MMP26: variants seen among roughly 807,000 people sequenced by gnomAD.
MMP26 encodes the protein matrix metalloproteinase-26.
In MMP26, 33 loss-of-function variants were observed where a neutral mutation model predicts 31.0. The observed-to-expected ratio is 1.06, with a 90% CI of 0.81 to 1.42. The LOEUF is 1.42. Among genes scored for constraint, MMP26 ranks in the 40% most tolerant of loss-of-function variants. The pLI is 0.00. For synonymous variants in MMP26, 122 were observed against 114.9 expected (o/e 1.06, Z -0.40); for missense variants, 347 against 316.1 (o/e 1.10, Z -0.74).
chr11:4,842,120 T>G (rs909127113), intron 2 of MMP26, among the ~76,000 whole-genome samples: 5 of 152,056 alleles, frequency 3.3e-5, no homozygotes, highest in African/African-American at 1.2e-4. Context: ...AAATAAAAAA[T>G]AATAGCTACA....
chr11:4,988,350 C>T (rs1846937730), intron 3 of MMP26, 40 bp downstream of exon 3: 3 of 1,491,380 alleles, frequency 2.0e-6, no homozygotes, highest in Non-Finnish European at 2.8e-6. Flanking sequence ...ACATGGTGAC[C>T]ATTGTGGGCT....
chr11:4,968,890 T>C (rs1203834300), intron 2 of MMP26, among the ~76,000 whole-genome samples: 9 of 152,056 alleles, frequency 5.9e-5, no homozygotes, highest in Admixed American at 5.9e-4. Context: ...CCAGTCATAC[T>C]TTAGAATGAA....
At chr11:4,723,989 C>T (rs1848059951) in intron 1 of MMP26, 1 of 723,906 alleles carries the variant, frequency 1.4e-6, no homozygotes, top group East Asian at 2.4e-5. Context: ...GTGGTGATGC[C>T]TCCCATGCCG....
chr11:4,766,265 G>C (rs1210076593), intron 1 of MMP26, among the ~76,000 whole-genome samples: 2 of 152,230 alleles, frequency 1.3e-5, no homozygotes, highest in Non-Finnish European at 1.5e-5. Flanking sequence ...GAGAACAAGA[G>C]ATGGAGAGAG....
At chr11:4,892,253 ACTCT>A (rs765792587) in intron 2 of MMP26, among the ~76,000 whole-genome samples, 4 of 151,928 alleles carry the variant, frequency 2.6e-5, no homozygotes, top group Non-Finnish European at 5.9e-5. Flanking sequence ...GATATCAGCC[ACTCT>A]CTCTCCCCTA....
At chr11:4,785,114 G>A (rs76440360) in intron 2 of MMP26, among the ~76,000 whole-genome samples, 4,214 of 152,194 alleles carry the variant, frequency 0.028, 217 homozygotes, top group African/African-American at 0.097. Flanking sequence ...GCAAAATACA[G>A]TCTGCTACCC....
In MMP26 at chr11:4,988,253, G is replaced by A; in HGVS notation, c.42G>A (p.Trp14Ter). The change falls in exon 3 of 8, where the codon TGG (tryptophan) becomes TGA (stop). Residue 14 changes from tryptophan to a stop codon, truncating the protein, a stop_gained. Coordinates refer to ENST00000380390, the MANE Select transcript of MMP26 (RefSeq NM_021801.5). LOFTEE classifies it high-confidence loss of function. ...TAAGAGTTACTATCTTCTTGCCCTGGTGTTTCGCCGTTCCAGTGCCCCCTG... is the reference window on the plus strand; with the variant it reads ...TAAGAGTTACTATCTTCTTGCCCTGATGTTTCGCCGTTCCAGTGCCCCCTG... ...VILRVTIFLP[W>*]CFAVPVPPAA... 6.2e-7 allele frequency: 1 copy of A among 1,614,070 alleles called. No homozygotes were observed. The highest frequency in any genetic ancestry group is 8.5e-7 in the Non-Finnish European group (1 of 1,180,012).
At chr11:4,710,068 G>A (rs775315223) in intron 1 of MMP26, 16 of 456,530 alleles carry the variant, frequency 3.5e-5, no homozygotes, top group Middle Eastern at 3.2e-4. Context: ...CTCCTTAAGC[G>A]CCTCTCCTTC....
At chr11:4,906,961 T>C (rs978388123) in intron 2 of MMP26, among the ~76,000 whole-genome samples, 2 of 151,798 alleles carry the variant, frequency 1.3e-5, no homozygotes, top group Admixed American at 6.6e-5. Flanking sequence ...ATGGTGGTGG[T>C]GGTGCACACC....
At chr11:4,756,540 G>T (rs1848506283) in intron 1 of MMP26, 1 of 151,568 alleles carries the variant, frequency 6.6e-6, no homozygotes, top group Non-Finnish European at 1.5e-5. Flanking sequence ...ATAAAGAAAT[G>T]GAAATTAAGC....
At chr11:4,752,654 A>G (rs767081140) in intron 1 of MMP26, 2 of 152,352 alleles carry the variant, frequency 1.3e-5, no homozygotes, top group Non-Finnish European at 2.9e-5. Context: ...ATTCCATGAA[A>G]GTGAAGAGGT....
At chr11:4,744,576 T>A (rs1017082385) in intron 1 of MMP26, among the ~76,000 whole-genome samples, 2 of 152,176 alleles carry the variant, frequency 1.3e-5, no homozygotes, top group Non-Finnish European at 2.9e-5. Flanking sequence ...ATAGAGGATA[T>A]TTATGAGGAA....
rs1846885174 is a variant in MMP26, at chr11:4,986,260, C to T, written c.-144-1808C>T. ...TTTAATCTATACCAAAGGTTTAAAA[C>T]ACAGAATTGCCTTATAATAAGCCCT... On this transcript the variant is annotated intron_variant, in intron 2 of 7. Coordinates refer to ENST00000380390, the MANE Select transcript of MMP26 (RefSeq NM_021801.5). 2.6e-5 allele frequency among the ~76,000 whole-genome samples: 4 copies of T among 152,078 alleles called. 1 individual carries two copies. In the South Asian group the frequency reaches 8.3e-4, roughly 31 times the overall value.
chr11:4,948,343 CATT>C (rs1246192363), intron 2 of MMP26, among the ~76,000 whole-genome samples: 1 of 124,402 alleles, frequency 8.0e-6, no homozygotes, highest in Non-Finnish European at 1.8e-5. Flanking sequence ...CAAGTTATAT[CATT>C]ATCTTCATTT....
intron 2 of MMP26, among the ~76,000 whole-genome samples, chr11:4,886,177 A>C (rs1850543414): frequency 6.6e-6 from 1 of 152,066 alleles, no homozygotes; most frequent in Non-Finnish European, 1.5e-5. Flanking sequence ...GATTACCTTT[A>C]TAGATTTCCA....
intron 2 of MMP26, among the ~76,000 whole-genome samples, chr11:4,829,573 G>A (rs1037123320): frequency 4.6e-5 from 7 of 152,148 alleles, no homozygotes; most frequent in South Asian, 2.1e-4. Flanking sequence ...GTGAGGGTCT[G>A]AGATATTAAG....
intron 3 of MMP26, among the ~76,000 whole-genome samples, 190 bp downstream of exon 3, chr11:4,988,500 A>G (rs986803917): frequency 6.6e-6 from 1 of 152,068 alleles, no homozygotes; most frequent in Admixed American, 6.5e-5. Flanking sequence ...AATTTTTTGT[A>G]GCCCCTAAAA....
At chr11:4,836,651 CTTTTTTTTTTT>C (rs71480270) in intron 2 of MMP26, among the ~76,000 whole-genome samples, 3 of 95,960 alleles carry the variant, frequency 3.1e-5, no homozygotes, top group African/African-American at 4.5e-5. Context: ...TCAAAGACAT[CTTTTTTTTTTT>C]TTTTTTTTTT....
chr11:4,796,374 C>T (rs1344431601), intron 2 of MMP26, among the ~76,000 whole-genome samples: 1 of 152,194 alleles, frequency 6.6e-6, no homozygotes, highest in Admixed American at 6.5e-5. Context: ...GTATCCTGTT[C>T]ATGAAGTCAA....
Sources: allele counts gnomAD v4.1 joint callset (sites outside exome capture counted in the v4.1 genomes callset), GRCh38; gene constraint gnomAD v4.1.1; transcripts MANE v1.5; gene names NCBI Gene and HGNC (gene_info 2026-07-23, HGNC 2026-07-21).